OXR1: variants seen among roughly 807,000 people sequenced by gnomAD.
OXR1 encodes the protein oxidation resistance 1.
OXR1 carries 41 observed loss-of-function variants against 104.6 expected under a neutral mutation model. The ratio of observed to expected loss-of-function variants is 0.39; its 90% CI spans 0.31 to 0.51. OXR1 has a LOEUF of 0.51. OXR1 is among the 20% of genes least tolerant of loss of function. The probability of loss-of-function intolerance (pLI) is 0.77; values close to 1 mark genes in which losing one functional copy is unlikely to be tolerated. For missense variants in OXR1, 955 were observed against 1,031.9 expected, an observed-to-expected ratio of 0.93 and a Z score of 1.02; for synonymous variants, 348 against 348.4, an observed-to-expected ratio of 1.00 and a Z score of 0.01.
chr8:106,424,980 C>CA (rs1367791529), intron 2 of OXR1, among the ~76,000 whole-genome samples: 2 of 146,906 alleles, frequency 1.4e-5, no homozygotes, highest in Non-Finnish European at 3.0e-5. Flanking sequence ...CATCATTAAT[C>CA]AAAAAAATAA....
intron 1 of OXR1, among the ~76,000 whole-genome samples, chr8:106,344,231 T>A (rs770191660): frequency 3.3e-4 from 50 of 152,074 alleles, no homozygotes; most frequent in African/African-American, 1.2e-3. Flanking sequence ...CCCAGCTGCT[T>A]GCAGCAGATA....
chr8:106,519,030 T>G lies in OXR1; in HGVS notation c.111T>G (p.Ser37Arg). 6.4e-7 allele frequency: 1 copy of G among 1,551,902 alleles called. No individual in the cohort carries two copies. Among genetic ancestry groups the G allele is most frequent in the African/African-American group, 1.4e-5 (1 of 73,148 alleles). Residue 37 changes from serine to arginine, a missense_variant, in exon 3 of 17, where the codon AGT becomes AGG. By Grantham distance (110) the Ser-to-Arg change is moderately radical. Transcript: ENST00000517566. ...CAGGAAAGCAAACACCACAAGCCAG[T>G]AAGCCCCCGGCACCCAAGACCCCCA... ...AGAGKQTPQA[S>R]KPPAPKTPII...
In OXR1 at chr8:106,531,900, A is replaced by G. The variant is rs192282726; in HGVS notation, c.220+12761A>G. 1.1e-4 allele frequency among the ~76,000 whole-genome samples: 16 copies of G among 152,320 alleles called. No individual in the cohort carries two copies. In the East Asian group the frequency reaches 2.9e-3, roughly 28 times the overall value. ...TGGGATGGAATGGGGATAGCCAAAA[A>G]GATGCACTTAAGGAAAAGGGGAATA... On this transcript the variant is annotated intron_variant, in intron 3 of 16. Coordinates refer to ENST00000517566, the MANE Select transcript of OXR1 (RefSeq NM_001198533.2).
At chr8:106,422,753 G>T (rs1818957459) in intron 2 of OXR1, among the ~76,000 whole-genome samples, 2 of 152,046 alleles carry the variant, frequency 1.3e-5, no homozygotes, top group Non-Finnish European at 2.9e-5. Flanking sequence ...AAAAAAGAAG[G>T]GCTTTAAAGG....
At chr8:106,653,127 T>G (rs1433176614) in intron 3 of OXR1, among the ~76,000 whole-genome samples, 2 of 149,626 alleles carry the variant, frequency 1.3e-5, no homozygotes, top group African/African-American at 4.9e-5. Context: ...ATTTAAAATA[T>G]TACCAGAAAG....
At position 106,706,520 on chromosome 8, in the gene OXR1, T is replaced by C. The variant is rs757413498; in HGVS notation, c.999T>C (p.Ser333=). ...CTGCTCCTAGGAGCACTGAGGAGTCTCTTTCTGAAGATGTGTTCACAGAAT... is the reference window on the plus strand; with the variant it reads ...CTGCTCCTAGGAGCACTGAGGAGTCCCTTTCTGAAGATGTGTTCACAGAAT... ...ASTAPRSTEE[S]LSEDVFTESE... The change falls in exon 9 of 17, where the codon TCT becomes TCC. Residue 333 remains serine, a synonymous_variant. Coordinates refer to ENST00000517566, the MANE Select transcript of OXR1 (RefSeq NM_001198533.2). The C allele has an allele frequency of 6.2e-6, 10 of 1,606,220 alleles. No homozygotes were observed. Among genetic ancestry groups the C allele is most frequent in the Middle Eastern group, 1.7e-4 (1 of 6,024 alleles).
chr8:106,666,007 T>C (rs1052040708), intron 3 of OXR1, among the ~76,000 whole-genome samples: 9 of 152,172 alleles, frequency 5.9e-5, no homozygotes, highest in African/African-American at 1.7e-4. Flanking sequence ...AAAAAGCTTA[T>C]TTTTATGGTA....
At chr8:106,463,635 C>A (rs1429464091) in intron 2 of OXR1, among the ~76,000 whole-genome samples, 1 of 152,032 alleles carries the variant, frequency 6.6e-6, no homozygotes, top group African/African-American at 2.4e-5. Flanking sequence ...GGGAGCACAG[C>A]GAGGCTGTAT....
chr8:106,490,517 C>T (rs1373431067), intron 2 of OXR1, among the ~76,000 whole-genome samples: 1 of 151,900 alleles, frequency 6.6e-6, no homozygotes, highest in Non-Finnish European at 1.5e-5. Context: ...CGCCACCACA[C>T]CCAGCTAATT....
chr8:106,748,073 T>C (rs749578915), intron 16 of OXR1, among the ~76,000 whole-genome samples: 3 of 152,242 alleles, frequency 2.0e-5, no homozygotes, highest in African/African-American at 2.4e-5. Flanking sequence ...CAGATATCTC[T>C]TTAAAGGCAT....
chr8:106,567,050 C>T (rs554952481), intron 3 of OXR1, among the ~76,000 whole-genome samples: 10 of 152,050 alleles, frequency 6.6e-5, no homozygotes, highest in South Asian at 4.2e-4. Context: ...ACCACCATGC[C>T]GCTTGTATAC....
intron 1 of OXR1, among the ~76,000 whole-genome samples, chr8:106,339,519 A>AAAAAAAATAT (rs869120573): frequency 1.2e-4 from 4 of 33,358 alleles, no homozygotes; most frequent in Non-Finnish European, 2.1e-4. Flanking sequence ...AAAAAAAAAA[A>AAAAAAAATAT]ATATATATAT....
intron 3 of OXR1, among the ~76,000 whole-genome samples, chr8:106,549,178 A>T: frequency 6.6e-6 from 1 of 152,164 alleles, no homozygotes; most frequent in South Asian, 2.1e-4. Context: ...GGAAATTCTT[A>T]TGTCACAAAT....
chr8:106,582,040 A>AT (rs1307275251), intron 3 of OXR1, among the ~76,000 whole-genome samples: 1 of 149,020 alleles, frequency 6.7e-6, no homozygotes, highest in Non-Finnish European at 1.5e-5. Context: ...AAAAAAAAAA[A>AT]AAAACCTAAA....
intron 2 of OXR1, among the ~76,000 whole-genome samples, chr8:106,465,111 G>T (rs1821105611): frequency 1.3e-5 from 2 of 151,928 alleles, no homozygotes; most frequent in Non-Finnish European, 2.9e-5. Flanking sequence ...AATGTTGGGT[G>T]GGGTGACATT....
At chr8:106,560,929 C>A (rs1316853206) in intron 3 of OXR1, among the ~76,000 whole-genome samples, 1 of 152,126 alleles carries the variant, frequency 6.6e-6, no homozygotes, top group African/African-American at 2.4e-5. Context: ...TCTCCCCTAG[C>A]CAAGGGAAGC....
chr8:106,394,615 T>C (rs1385070278), intron 2 of OXR1, among the ~76,000 whole-genome samples: 1 of 152,150 alleles, frequency 6.6e-6, no homozygotes, highest in Non-Finnish European at 1.5e-5. Context: ...GTGGGACCTA[T>C]TGATTTTAAC....
chr8:106,343,338 C>G (rs1400027076), intron 1 of OXR1, among the ~76,000 whole-genome samples: 1 of 152,168 alleles, frequency 6.6e-6, no homozygotes, highest in Non-Finnish European at 1.5e-5. Flanking sequence ...GGACCATGTC[C>G]AGATCGCTTA....
chr8:106,294,042 T>G (rs1812873169), intron 1 of OXR1, among the ~76,000 whole-genome samples: 2 of 148,286 alleles, frequency 1.3e-5, no homozygotes, highest in South Asian at 4.2e-4. Flanking sequence ...AAAAGTCAAT[T>G]ACTTTGTGTT....
Sources: allele counts gnomAD v4.1 joint callset (sites outside exome capture counted in the v4.1 genomes callset), GRCh38; gene constraint gnomAD v4.1.1; transcripts MANE v1.5; gene names NCBI Gene and HGNC (gene_info 2026-07-23, HGNC 2026-07-21).